Variants in TMEM117 observed in about 807,000 individuals in gnomAD.
TMEM117 encodes the protein transmembrane protein 117.
In TMEM117, 27 loss-of-function variants were observed where a neutral mutation model predicts 52.4. That is an observed-to-expected ratio of 0.51 (90% confidence interval 0.38 to 0.71). The LOEUF (loss-of-function observed/expected upper bound fraction) is 0.71, where lower values mean the gene tolerates loss of function less well. TMEM117 is among the 30% of genes least tolerant of loss of function. The probability of loss-of-function intolerance (pLI) is 0.00; values close to 1 mark genes in which losing one functional copy is unlikely to be tolerated. For missense variants in TMEM117, 556 were observed against 630.5 expected (o/e 0.88, Z 1.26); for synonymous variants, 215 against 206.3 (o/e 1.04, Z -0.36).
At chr12:44,079,830 A>G (rs1322122354) in intron 3 of TMEM117, among the ~76,000 whole-genome samples, 6 of 151,996 alleles carry the variant, frequency 3.9e-5, no homozygotes, top group Non-Finnish European at 7.4e-5. Flanking sequence ...AGCCTGGCCA[A>G]CGTGGTGAAA....
chr12:44,103,227 CTT>C (rs772854739), intron 3 of TMEM117, among the ~76,000 whole-genome samples: 5 of 143,816 alleles, frequency 3.5e-5, no homozygotes, highest in Admixed American at 7.0e-5. Context: ...AACTCCATAT[CTT>C]TTTTTTTTTT....
intron 2 of TMEM117, among the ~76,000 whole-genome samples, chr12:43,867,103 AAAAAG>A (rs1473272358): frequency 2.6e-5 from 4 of 152,192 alleles, no homozygotes; most frequent in South Asian, 2.1e-4. Context: ...GAGAAAAAAA[AAAAAG>A]AAAAGACAAC....
chr12:43,803,187 A>G, the TMEM117 span, among the ~76,000 whole-genome samples: 4 of 152,184 alleles, frequency 2.6e-5, no homozygotes, highest in Non-Finnish European at 5.9e-5. Flanking sequence ...ATCAAAACTA[A>G]TTGCAAATGG....
intron 3 of TMEM117, among the ~76,000 whole-genome samples, chr12:43,959,660 T>G (rs1334311170): frequency 6.6e-6 from 1 of 152,162 alleles, no homozygotes; most frequent in Admixed American, 6.5e-5. Flanking sequence ...CTGCTTCCAT[T>G]GTTTACACCG....
chr12:44,095,803 G>T (rs1194335763), intron 3 of TMEM117, among the ~76,000 whole-genome samples: 1 of 152,072 alleles, frequency 6.6e-6, no homozygotes, highest in Non-Finnish European at 1.5e-5. Flanking sequence ...TTGAAAACTG[G>T]CACAAGACAG....
chr12:43,898,034 A>G (rs1944237530), intron 2 of TMEM117, among the ~76,000 whole-genome samples: 1 of 138,010 alleles, frequency 7.2e-6, no homozygotes, highest in Non-Finnish European at 1.5e-5. Flanking sequence ...ATGCGCACAC[A>G]CACACACACG....
At chr12:43,940,118 G>A (rs1945019620) in intron 2 of TMEM117, among the ~76,000 whole-genome samples, 1 of 152,064 alleles carries the variant, frequency 6.6e-6, no homozygotes, top group Admixed American at 6.6e-5. Context: ...TGATACCTTG[G>A]CCTTGACCAA....
the TMEM117 span, among the ~76,000 whole-genome samples, chr12:43,824,258 G>A: frequency 6.6e-6 from 1 of 152,224 alleles, no homozygotes; most frequent in Non-Finnish European, 1.5e-5. Flanking sequence ...TTCTCCTGAA[G>A]AAGAGTGATT....
At chr12:44,256,358 T>C (rs1950260596) in intron 5 of TMEM117, among the ~76,000 whole-genome samples, 1 of 152,004 alleles carries the variant, frequency 6.6e-6, no homozygotes, top group Non-Finnish European at 1.5e-5. Context: ...CTATTGAATG[T>C]GGACCCAAAA....
At chr12:44,326,128 G>A (rs947654900) in intron 6 of TMEM117, among the ~76,000 whole-genome samples, 3 of 152,116 alleles carry the variant, frequency 2.0e-5, no homozygotes, top group African/African-American at 7.2e-5. Context: ...CTGCCACACT[G>A]CACTCCAGCA....
At chr12:44,211,757 G>A (rs553395944) in intron 5 of TMEM117, among the ~76,000 whole-genome samples, 1 of 152,304 alleles carries the variant, frequency 6.6e-6, no homozygotes, top group East Asian at 1.9e-4. Flanking sequence ...GCTCTGAGAA[G>A]TGATAAAGAA....
At chr12:44,127,108 T>C (rs1326251024) in intron 3 of TMEM117, among the ~76,000 whole-genome samples, 3 of 152,188 alleles carry the variant, frequency 2.0e-5, no homozygotes, top group Non-Finnish European at 4.4e-5. Flanking sequence ...CTTGATGAGG[T>C]AGCTAGGGAA....
rs200884697 is a variant in TMEM117 at position 44,158,764 on chromosome 12, T to TA, written c.510+15149dup. On this transcript the variant is annotated intron_variant, in intron 4 of 7. Transcript: ENST00000266534. ...AAAATTAAATTGCATTTGGGAACTTTAAAAAAAAATAGCAGCCCTGAAAAA... is the reference window on the plus strand; with the variant it reads ...AAAATTAAATTGCATTTGGGAACTTTAAAAAAAAAATAGCAGCCCTGAAAAA... Among the ~76,000 whole-genome samples the TA allele has an allele frequency of 6.2e-3, 932 of 151,412 alleles. 3 individuals are homozygous for TA. The highest frequency in any genetic ancestry group is 0.017 in the Middle Eastern group (5 of 290).
At chr12:43,812,233 A>T in the TMEM117 span, among the ~76,000 whole-genome samples, 1 of 152,200 alleles carries the variant, frequency 6.6e-6, no homozygotes, top group Non-Finnish European at 1.5e-5. Context: ...CCTAGACTTG[A>T]CACTATTCTC....
chr12:44,261,427 T>C (rs952331499), intron 5 of TMEM117, among the ~76,000 whole-genome samples: 1 of 152,208 alleles, frequency 6.6e-6, no homozygotes, highest in East Asian at 1.9e-4. Context: ...ATTTTGGTAT[T>C]TATGAAATCA....
intron 3 of TMEM117, among the ~76,000 whole-genome samples, chr12:43,990,932 C>T (rs1366073605): frequency 6.6e-6 from 1 of 152,142 alleles, no homozygotes; most frequent in African/African-American, 2.4e-5. Context: ...TACGCTGGTG[C>T]TTTAGGGAAT....
At chr12:44,052,719 C>G (rs754859965) in intron 3 of TMEM117, among the ~76,000 whole-genome samples, 2 of 152,144 alleles carry the variant, frequency 1.3e-5, no homozygotes, top group African/African-American at 2.4e-5. Context: ...GGAAATAGTC[C>G]CATGCCCTTT....
rs7314412 is a variant in TMEM117 at position 44,380,862 on chromosome 12, T to A, written c.898+4138T>A. ...CCCACTATTCTGAGTTTTCTACTGT[T>A]ATCTGCTGTCCTGAGTCCTTAAAAA... is the stretch of plus-strand genomic sequence containing the variant. On this transcript the variant is annotated intron_variant, in intron 7 of 7. Transcript: ENST00000266534. Among the ~76,000 whole-genome samples, 1,330 of 152,310 alleles carry A rather than the reference T, an allele frequency of 8.7e-3. 27 individuals carry two copies. The highest frequency in any genetic ancestry group is 0.026 in the African/African-American group (1,080 of 41,580).
chr12:44,076,736 C>T (rs962723815), intron 3 of TMEM117, among the ~76,000 whole-genome samples: 2 of 152,106 alleles, frequency 1.3e-5, no homozygotes, highest in African/African-American at 4.8e-5. Context: ...TCCCCTTAGT[C>T]GTTGAACTTT....
Sources: allele counts gnomAD v4.1 joint callset (sites outside exome capture counted in the v4.1 genomes callset), GRCh38; gene constraint gnomAD v4.1.1; transcripts MANE v1.5; gene names NCBI Gene and HGNC (gene_info 2026-07-23, HGNC 2026-07-21).